Variants in RARB observed in about 807,000 individuals in gnomAD.
RARB encodes HBV-activated protein.
RARB carries 17 observed loss-of-function variants against 51.9 expected under a neutral mutation model. That is an observed-to-expected ratio of 0.33 (90% CI 0.22 to 0.49). The LOEUF is 0.49. RARB is among the 20% of genes least tolerant of loss of function. The pLI, the probability that RARB is intolerant of heterozygous loss-of-function variation, is 0.99. For synonymous variants in RARB, 215 were observed against 195.4 expected (o/e 1.10, Z -0.84); for missense variants, 369 against 550.8 (o/e 0.67, Z 3.30).
At chr3:24,882,171 A>G (rs1703180409) in intron 2 of RARB, among the ~76,000 whole-genome samples, 1 of 152,234 alleles carries the variant, frequency 6.6e-6, no homozygotes, top group South Asian at 2.1e-4. Flanking sequence ...TAAAATCAAT[A>G]GCAATATAAT....
intron 2 of RARB, among the ~76,000 whole-genome samples, chr3:24,923,133 G>A (rs923431662): frequency 6.6e-6 from 1 of 152,122 alleles, no homozygotes; most frequent in Non-Finnish European, 1.5e-5. Context: ...TATCCATTTA[G>A]CACATTATTT....
intron 2 of RARB, among the ~76,000 whole-genome samples, chr3:25,478,228 G>A (rs80089974): frequency 0.023 from 3,529 of 152,240 alleles, 110 homozygotes; most frequent in African/African-American, 0.064. Flanking sequence ...AGGTACAAGA[G>A]GAGGGGACAT....
chr3:25,500,671 G>T (rs1216201077), intron 2 of RARB, among the ~76,000 whole-genome samples: 1 of 151,578 alleles, frequency 6.6e-6, no homozygotes, highest in Non-Finnish European at 1.5e-5. Flanking sequence ...TAGAGACAGG[G>T]TTTCACCATG....
chr3:25,573,376 T>C (rs1325722614), intron 4 of RARB, among the ~76,000 whole-genome samples: 1 of 152,220 alleles, frequency 6.6e-6, no homozygotes, highest in East Asian at 1.9e-4. Flanking sequence ...GGGCCCACCC[T>C]CCTAAACACA....
intron 2 of RARB, among the ~76,000 whole-genome samples, chr3:25,473,305 GA>G (rs553972488): frequency 1.4e-3 from 200 of 142,616 alleles, no homozygotes; most frequent in Admixed American, 4.1e-3. Context: ...ACTCATCCCT[GA>G]AAAAAAAAAA....
intron 5 of RARB, among the ~76,000 whole-genome samples, chr3:25,239,098 A>T (rs539825915): frequency 6.6e-6 from 1 of 152,276 alleles, no homozygotes; most frequent in African/African-American, 2.4e-5. Context: ...GACCATTTGT[A>T]TGTTTTCTTT....
chr3:24,956,604 T>C (rs1040476107), intron 2 of RARB, among the ~76,000 whole-genome samples: 2 of 152,168 alleles, frequency 1.3e-5, no homozygotes, highest in African/African-American at 2.4e-5. Context: ...GAAACTGTAC[T>C]CTGGGAAGGT....
chr3:25,026,528 ATTC>A (rs1316246077), intron 2 of RARB, among the ~76,000 whole-genome samples: 1 of 152,018 alleles, frequency 6.6e-6, no homozygotes, highest in Non-Finnish European at 1.5e-5. Flanking sequence ...CAAATTTCCT[ATTC>A]TTATAAGGAC....
At chr3:25,105,438 AAAG>A (rs71730906) in intron 3 of RARB, among the ~76,000 whole-genome samples, 16,058 of 136,668 alleles carry the variant, frequency 0.12, 972 homozygotes, top group South Asian at 0.24. Context: ...AAAAAAAAAA[AAAG>A]AAGATTTGTG....
intron 2 of RARB, among the ~76,000 whole-genome samples, chr3:24,862,265 T>C (rs1368675377): frequency 6.6e-6 from 1 of 152,178 alleles, no homozygotes; most frequent in Non-Finnish European, 1.5e-5. Flanking sequence ...TCATCGAGTG[T>C]TGGAGTGCTA....
intron 3 of RARB, among the ~76,000 whole-genome samples, chr3:25,123,837 C>T (rs984307000): frequency 6.6e-6 from 1 of 152,146 alleles, no homozygotes; most frequent in African/African-American, 2.4e-5. Flanking sequence ...CTCTAATGTT[C>T]TTCACGTGGC....
intron 2 of RARB, among the ~76,000 whole-genome samples, chr3:24,980,135 T>C (rs1696610950): frequency 6.6e-6 from 1 of 152,206 alleles, no homozygotes; most frequent in African/African-American, 2.4e-5. Context: ...TGCAAAGAGA[T>C]CTGCTGTTAC....
At chr3:25,224,986 C>T (rs771118385) in intron 5 of RARB, among the ~76,000 whole-genome samples, 1 of 152,032 alleles carries the variant, frequency 6.6e-6, no homozygotes, top group Non-Finnish European at 1.5e-5. Flanking sequence ...AGATGTAGTC[C>T]TCTATAGTAC....
chr3:25,085,294 A>G (rs1575153624), intron 3 of RARB, among the ~76,000 whole-genome samples: 1 of 152,202 alleles, frequency 6.6e-6, no homozygotes, highest in Non-Finnish European at 1.5e-5. Context: ...ACATTGAAGC[A>G]TGAACTAATC....
chr3:25,568,823 G>A (rs1473425359), intron 3 of RARB, among the ~76,000 whole-genome samples: 1 of 152,218 alleles, frequency 6.6e-6, no homozygotes, highest in Non-Finnish European at 1.5e-5. Flanking sequence ...CCTGGAGGGG[G>A]TGGCATGGTC....
chr3:25,592,198 G>A (rs530391339), intron 5 of RARB, among the ~76,000 whole-genome samples: 4 of 152,344 alleles, frequency 2.6e-5, no homozygotes, highest in South Asian at 4.1e-4. Context: ...GCACATGGCT[G>A]TGTAACAGGA....
At chr3:24,868,412 C>G (rs1304078231) in intron 2 of RARB, among the ~76,000 whole-genome samples, 1 of 152,108 alleles carries the variant, frequency 6.6e-6, no homozygotes, top group South Asian at 2.1e-4. Flanking sequence ...TATATTAACT[C>G]TGTCGTGGCT....
chr3:25,159,960 T>G (rs1311688282), intron 4 of RARB, among the ~76,000 whole-genome samples: 1 of 152,184 alleles, frequency 6.6e-6, no homozygotes, highest in African/African-American at 2.4e-5. Context: ...TCCTCCCAAC[T>G]CTCTTGAAAA....
chr3:24,963,660 A>ATT (rs1045116217), intron 2 of RARB, among the ~76,000 whole-genome samples: 6 of 151,872 alleles, frequency 4.0e-5, no homozygotes, highest in African/African-American at 1.5e-4. Context: ...GACAAGGAAC[A>ATT]TTTCCTAAGC....
Sources: gnomAD v4.1 joint callset for allele counts (sites outside exome capture counted in the v4.1 genomes callset) on GRCh38, gnomAD v4.1.1 for gene constraint, MANE v1.5 for transcripts, NCBI Gene and HGNC (gene_info 2026-07-23, HGNC 2026-07-21) for gene names.